Variants in ADPRHL1 observed in about 807,000 individuals in gnomAD.
ADPRHL1 encodes ADP-ribosylhydrolase like 1, also known as inactive ADP-ribosyltransferase ARH2.
Under a neutral mutation model 44.1 loss-of-function variants are expected in ADPRHL1, and 43 were observed. The ratio of observed to expected loss-of-function variants is 0.98; its 90% CI spans 0.76 to 1.26. The LOEUF is 1.26. Among genes scored for constraint, ADPRHL1 ranks in the 50% most tolerant of loss-of-function variants. The probability of loss-of-function intolerance (pLI) is 0.00; values close to 1 mark genes in which losing one functional copy is unlikely to be tolerated. For missense variants in ADPRHL1, 2,022 were observed against 2,496.9 expected, an observed-to-expected ratio of 0.81 and a Z score of 4.05; for synonymous variants, 878 against 1,017.4, an observed-to-expected ratio of 0.86 and a Z score of 2.61.
Position 113,405,383 on chromosome 13 carries a change from T to A in ADPRHL1, c.3899A>T (p.Glu1300Val). The change falls in exon 8 of 8, where the codon GAG becomes GTG. Residue 1300 changes from glutamate to valine, a missense_variant. This residue lies in a region of ADPRHL1 where 1,221 missense variants were observed against 1,517.8 expected (regional missense o/e 0.80). Transcript: ENST00000612156. The part of the protein sequence containing the change: ...PPENPQAKGR[E>V]GVRFPRGAEP... Reference sequence around the variant, plus strand: ...CGCCCCACGGGGAAACCTGACGCCCTCCCTGCCCTTTGCCTGTGGGTTCTC... The same window carrying A: ...CGCCCCACGGGGAAACCTGACGCCCACCCTGCCCTTTGCCTGTGGGTTCTC... The A allele has an allele frequency of 8.1e-7, 1 of 1,231,924 alleles. No homozygotes were observed. Among genetic ancestry groups the A allele is most frequent in the Non-Finnish European group, 1.0e-6 (1 of 988,120 alleles). 76.3% of individuals were successfully genotyped at this position (1,231,924 alleles called of 1,614,324 possible).
rs529937460 is a variant in ADPRHL1 at position 113,415,429 on chromosome 13, G to A, written c.1062-7209C>T. ...GTGGGCTCAGTGGCCGGCTCCAGGC[G>A]ACCAGGCAGGGTCCACCGAATTAGT... On this transcript the variant is annotated intron_variant, in intron 7 of 7. Coordinates refer to ENST00000612156, the MANE Select transcript of ADPRHL1 (RefSeq NM_001394807.1). Among the ~76,000 whole-genome samples the A allele has an allele frequency of 3.9e-5, 6 of 152,278 alleles. 1 individual carries two copies. In the South Asian group the frequency reaches 8.3e-4, roughly 21 times the overall value.
At position 113,407,466 on chromosome 13, in the gene ADPRHL1, G is replaced by C. The variant is rs2043817431; in HGVS notation, c.1816C>G (p.Pro606Ala). ...GTGCAGGCCAGAAAGCGGGCAGGGG[G>C]CATCTTGACGCAGGTGCTGGCCATG... is the stretch of plus-strand genomic sequence containing the variant. The part of the protein sequence containing the change: ...ATMASTCVKM[P>A]PARFLACTAE... Residue 606 changes from proline to alanine, a missense_variant, in exon 8 of 8, where the codon CCC becomes GCC. Coordinates refer to ENST00000612156, the MANE Select transcript of ADPRHL1 (RefSeq NM_001394807.1). 3.2e-6 allele frequency: 4 copies of C among 1,231,942 alleles called. No individual in the cohort carries two copies. The Admixed American group carries it at 1.7e-4, about 52-fold the overall frequency. 76.3% of individuals were successfully genotyped at this position (1,231,942 alleles called of 1,614,324 possible). A position where few individuals can be genotyped will look rare whatever the true frequency, so the allele number is the denominator to read the frequency against.
intron 7 of ADPRHL1, among the ~76,000 whole-genome samples, chr13:113,412,209 GCT>G (rs1465989141): frequency 2.6e-5 from 4 of 152,100 alleles, no homozygotes; most frequent in African/African-American, 9.7e-5. Flanking sequence ...ACGGAGTCTT[GCT>G]CTGTCGCCCA....
chr13:113,448,941 C>A, intron 1 of ADPRHL1: 1 of 985,266 alleles, frequency 1.0e-6, no homozygotes, highest in Non-Finnish European at 1.2e-6. Context: ...CATACCCGAG[C>A]AATGGCCGAG....
chr13:113,452,508 T>A (rs1595559423), intron 1 of ADPRHL1, among the ~76,000 whole-genome samples: 1 of 152,204 alleles, frequency 6.6e-6, no homozygotes, highest in Non-Finnish European at 1.5e-5. Flanking sequence ...GAAGAGCAAA[T>A]GCCTCGTAGG....
intron 7 of ADPRHL1, among the ~76,000 whole-genome samples, chr13:113,414,769 G>A (rs1003233988): frequency 1.3e-5 from 2 of 151,634 alleles, no homozygotes; most frequent in Non-Finnish European, 2.9e-5. Context: ...TCCGCCTCCC[G>A]GGTTCAAGCC....
In ADPRHL1 at chr13:113,453,169, G is replaced by A. The variant is rs1455249907; in HGVS notation, c.214+55C>T. On this transcript the variant is annotated intron_variant, in intron 1 of 7. Transcript: ENST00000612156. The surrounding 1 kb of genome is among the most constrained non-coding windows in gnomAD (Gnocchi z 5.4). ...TCTCGGAGGCTTACTGGGAGAACTC[G>A]AGCAGCCAGTGTTCCCTCCAGCCCG... 1.5e-5 allele frequency: 24 copies of A among 1,591,470 alleles called. No homozygotes were observed. Among genetic ancestry groups the A allele is most frequent in the African/African-American group, 2.7e-5 (2 of 74,440 alleles).
chr13:113,408,720 G>A (rs1566465714), intron 7 of ADPRHL1, among the ~76,000 whole-genome samples: 1 of 152,212 alleles, frequency 6.6e-6, no homozygotes, highest in Non-Finnish European at 1.5e-5. Context: ...GGTCCCTACA[G>A]CAGAGACTGA....
chr13:113,434,191 T>C (rs1421071589), intron 2 of ADPRHL1, among the ~76,000 whole-genome samples: 1 of 152,132 alleles, frequency 6.6e-6, no homozygotes, highest in Non-Finnish European at 1.5e-5. Context: ...TATAACTACA[T>C]ACAACAAACT....
Position 113,405,675 on chromosome 13 carries a change from C to G in ADPRHL1, c.3607G>C (p.Glu1203Gln). 1 of 1,232,774 alleles carries G rather than the reference C, an allele frequency of 8.1e-7. No individual in the cohort carries two copies. Among genetic ancestry groups the G allele is most frequent in the Non-Finnish European group, 1.0e-6 (1 of 988,848 alleles). The allele number at this position is 1,232,774 out of a possible 1,614,324, so 76.4% of individuals were successfully genotyped here. Reference sequence around the variant, plus strand: ...TGGCGGGCGAGGGTCGCAATGTCCTCTGGGTGCTGGACGAGGGCCACGCCT... The same window carrying G: ...TGGCGGGCGAGGGTCGCAATGTCCTGTGGGTGCTGGACGAGGGCCACGCCT... ...LRGVALVQHP[E>Q]DIATLARHPE... is the part of the protein sequence containing the mutation. Residue 1203 changes from glutamate to glutamine, a missense_variant, in exon 8 of 8, where the codon GAG becomes CAG. This residue lies in a region of ADPRHL1 where 1,221 missense variants were observed against 1,517.8 expected (regional missense o/e 0.80). Transcript: ENST00000612156.
intron 2 of ADPRHL1, among the ~76,000 whole-genome samples, chr13:113,442,148 T>C (rs138906374): frequency 6.8e-4 from 104 of 152,364 alleles, no homozygotes; most frequent in African/African-American, 2.5e-3. Flanking sequence ...TGAAAGATAT[T>C]TTTTTCAGGG....
intron 6 of ADPRHL1, 101 bp downstream of exon 6, chr13:113,424,116 G>A: frequency 1.4e-6 from 2 of 1,465,998 alleles, no homozygotes; most frequent in South Asian, 1.4e-5. Context: ...GAGCTCAGGA[G>A]GTGGCCCCTG....
At chr13:113,431,569 GT>G (rs1166430111) in intron 3 of ADPRHL1, among the ~76,000 whole-genome samples, 1 of 152,240 alleles carries the variant, frequency 6.6e-6, no homozygotes, top group Non-Finnish European at 1.5e-5. Context: ...AACACAAACT[GT>G]GGCTCTTACT....
Position 113,426,452 on chromosome 13 carries a change from G to A in ADPRHL1, c.647-1273C>T, listed in dbSNP as rs139849974. 1.8e-3 allele frequency among the ~76,000 whole-genome samples: 268 copies of A among 152,364 alleles called. 1 individual carries two copies. Among genetic ancestry groups the A allele is most frequent in the Admixed American group, 3.0e-3 (46 of 15,310 alleles). On this transcript the variant is annotated intron_variant, in intron 4 of 7. Coordinates refer to ENST00000612156, the MANE Select transcript of ADPRHL1 (RefSeq NM_001394807.1). The stretch of plus-strand genomic sequence containing the variant: ...CACAGATCCTGTCTGCCTGGCCGTG[G>A]TTGGAGAGCTCAGGGCGCTGGAGAG...
intron 1 of ADPRHL1, among the ~76,000 whole-genome samples, chr13:113,447,053 G>C (rs1156243074): frequency 1.4e-5 from 2 of 147,888 alleles, no homozygotes; most frequent in African/African-American, 5.0e-5. Context: ...GCACGGTGTT[G>C]TGTGTGCATG....
At position 113,441,144 on chromosome 13, in the gene ADPRHL1, C is replaced by T. The variant is rs879216951; in HGVS notation, c.379+3281G>A. 2.6e-5 allele frequency among the ~76,000 whole-genome samples: 4 copies of T among 152,184 alleles called. No homozygotes were observed. The highest frequency in any genetic ancestry group is 5.9e-5 in the Non-Finnish European group (4 of 68,040). On this transcript the variant is annotated intron_variant, in intron 2 of 7. Transcript: ENST00000612156. This position sits in a 1 kb window ranked among gnomAD's most constrained non-coding sequence, Gnocchi z 6.0. Reference sequence around the variant, plus strand: ...CTCCAATCTGGGCGACAGAGCAAGACTCCATCTCAAAATTAAAAAGTTGTT... The same window carrying T: ...CTCCAATCTGGGCGACAGAGCAAGATTCCATCTCAAAATTAAAAAGTTGTT...
chr13:113,422,662 A>T lies in ADPRHL1; in HGVS notation c.1061+164T>A, dbSNP rs2043933820. On this transcript the variant is annotated intron_variant, in intron 7 of 7. Coordinates refer to ENST00000612156, the MANE Select transcript of ADPRHL1 (RefSeq NM_001394807.1). The stretch of plus-strand genomic sequence containing the variant: ...GGACAAACAATGTATTTTATGCAAC[A>T]GTTAGGATTCTGAAATTGGAAACAG... 3 of 833,426 alleles carry T rather than the reference A, an allele frequency of 3.6e-6. No individual in the cohort carries two copies. The Admixed American group carries it at 8.7e-5, about 24-fold the overall frequency. The allele number at this position is 833,426 out of a possible 1,614,324, so 51.6% of individuals were successfully genotyped here. A position where few individuals can be genotyped will look rare whatever the true frequency, so the allele number is the denominator to read the frequency against.
chr13:113,453,201 G>T lies in ADPRHL1; in HGVS notation c.214+23C>A. 6.2e-7 allele frequency: 1 copy of T among 1,613,336 alleles called. No homozygotes were observed. On this transcript the variant is annotated intron_variant, in intron 1 of 7. Coordinates refer to ENST00000612156, the MANE Select transcript of ADPRHL1 (RefSeq NM_001394807.1). This position sits in a 1 kb window ranked among gnomAD's most constrained non-coding sequence, Gnocchi z 5.4. ...CAGTGTTCCCTCCAGCCCGCACACC[G>T]GAGCGCGGTGGGCCCAGCCTACCTG... is the stretch of plus-strand genomic sequence containing the variant.
intron 2 of ADPRHL1, among the ~76,000 whole-genome samples, chr13:113,444,170 C>CCCTG (rs1232037437): frequency 6.6e-6 from 1 of 152,122 alleles, no homozygotes; most frequent in Non-Finnish European, 1.5e-5. Flanking sequence ...CAGGAGGGGC[C>CCCTG]CCTGCCCATA....
Sources: gnomAD v4.1 joint callset for allele counts (sites outside exome capture counted in the v4.1 genomes callset) on GRCh38, gnomAD v4.1.1 for gene constraint, gnomAD v4.1.1 regional missense constraint, Gnocchi (gnomAD v3.1) non-coding constraint, MANE v1.5 for transcripts, NCBI Gene and HGNC (gene_info 2026-07-23, HGNC 2026-07-21) for gene names.